Variants in FMNL2 observed in about 807,000 individuals in gnomAD.
The protein encoded by FMNL2 is formin like 2, also known as formin-like protein 2.
Under a neutral mutation model 130.2 loss-of-function variants are expected in FMNL2, and 51 were observed. The observed-to-expected ratio is 0.39, with a 90% CI of 0.31 to 0.49. The LOEUF (loss-of-function observed/expected upper bound fraction) is 0.49, where lower values mean the gene tolerates loss of function less well. Among genes scored for constraint, FMNL2 ranks in the 20% least tolerant of loss-of-function variants. The pLI is 0.85. For synonymous variants in FMNL2, 465 were observed against 467.1 expected (o/e 1.00, Z 0.06); for missense variants, 977 against 1,316.2 (o/e 0.74, Z 3.99).
chr2:152,504,076 A>G (rs572862494), intron 1 of FMNL2, among the ~76,000 whole-genome samples: 27 of 152,342 alleles, frequency 1.8e-4, no homozygotes, highest in Admixed American at 9.2e-4. Flanking sequence ...CTGTAGTCCC[A>G]GCTACGCGGG....
At chr2:152,647,678 C>G in intron 25 of FMNL2, 118 bp from the exon 26 acceptor site, 4 of 837,788 alleles carry the variant, frequency 4.8e-6, no homozygotes, top group Non-Finnish European at 8.3e-6. Context: ...GTTTGAAGGG[C>G]CCATTAGCTG....
At chr2:152,534,815 G>C (rs574216405) in intron 2 of FMNL2, among the ~76,000 whole-genome samples, 1 of 152,252 alleles carries the variant, frequency 6.6e-6, no homozygotes, top group East Asian at 1.9e-4. Flanking sequence ...ATTCTCGCTA[G>C]TCTAAATAAA....
intron 1 of FMNL2, among the ~76,000 whole-genome samples, chr2:152,442,345 G>C (rs934652676): frequency 6.6e-6 from 1 of 151,376 alleles, no homozygotes; most frequent in Non-Finnish European, 1.5e-5. Context: ...TCCTTCTCCC[G>C]GGTTTAAGTG....
chr2:152,592,929 G>A (rs1383485353), intron 9 of FMNL2, among the ~76,000 whole-genome samples: 1 of 152,124 alleles, frequency 6.6e-6, no homozygotes, highest in Non-Finnish European at 1.5e-5. Context: ...ATAGATTATT[G>A]GGGTGTTTAA....
intron 2 of FMNL2, among the ~76,000 whole-genome samples, chr2:152,523,454 C>T (rs74795808): frequency 5.3e-5 from 8 of 152,262 alleles, no homozygotes; most frequent in Non-Finnish European, 8.8e-5. Context: ...ATTTTCCCTC[C>T]ACACTGATAT....
In FMNL2 at chr2:152,607,335, T is replaced by G; in HGVS notation, c.877-4T>G. 6.2e-7 allele frequency: 1 copy of G among 1,613,234 alleles called. No homozygotes were observed. The highest frequency in any genetic ancestry group is 8.5e-7 in the Non-Finnish European group (1 of 1,179,396). ...CACATGCACAATGAAAATGTGTGTTTCAGGTTTGTGGAGAAAAACAGCGCT... is the reference window on the plus strand; with the variant it reads ...CACATGCACAATGAAAATGTGTGTTGCAGGTTTGTGGAGAAAAACAGCGCT... On this transcript the variant is annotated splice_polypyrimidine_tract_variant and splice_region_variant and intron_variant, in intron 9 of 25. Transcript: ENST00000288670.
At chr2:152,641,452 G>A (rs1420290663) in intron 25 of FMNL2, among the ~76,000 whole-genome samples, 2 of 152,194 alleles carry the variant, frequency 1.3e-5, no homozygotes, top group Non-Finnish European at 2.9e-5. Flanking sequence ...CTATCTCCTC[G>A]AACCAATTCT....
chr2:152,550,766 G>C (rs1431735228), intron 4 of FMNL2, among the ~76,000 whole-genome samples: 1 of 152,124 alleles, frequency 6.6e-6, no homozygotes, highest in Non-Finnish European at 1.5e-5. Flanking sequence ...ATTTTGTTTG[G>C]TCCAAACCTT....
At chr2:152,564,534 C>A (rs1384619889) in intron 6 of FMNL2, among the ~76,000 whole-genome samples, 8 of 152,080 alleles carry the variant, frequency 5.3e-5, no homozygotes, top group Admixed American at 5.2e-4. Context: ...CCAGCCTGGC[C>A]AACATGGTGA....
At chr2:152,407,849 A>G (rs928122514) in intron 1 of FMNL2, among the ~76,000 whole-genome samples, 1 of 152,212 alleles carries the variant, frequency 6.6e-6, no homozygotes, top group African/African-American at 2.4e-5. Context: ...TCTAATAAAA[A>G]ACAATCACCA....
chr2:152,610,809 C>A (rs576914602), intron 10 of FMNL2, among the ~76,000 whole-genome samples: 1 of 152,130 alleles, frequency 6.6e-6, no homozygotes, highest in Admixed American at 6.5e-5. Context: ...TATCTAGAAG[C>A]GGAATCGCTG....
At chr2:152,628,583 C>A in intron 18 of FMNL2, 50 bp downstream of exon 18, 1 of 1,511,190 alleles carries the variant, frequency 6.6e-7, no homozygotes, top group Admixed American at 1.7e-5. Flanking sequence ...AATGTGGAAT[C>A]GTTATTTTTT....
intron 1 of FMNL2, among the ~76,000 whole-genome samples, chr2:152,459,062 C>CA (rs1689103210): frequency 6.6e-6 from 1 of 152,130 alleles, no homozygotes; most frequent in Non-Finnish European, 1.5e-5. Flanking sequence ...ATTGTAATGG[C>CA]AAAATCACCA....
intron 1 of FMNL2, among the ~76,000 whole-genome samples, chr2:152,423,181 A>G (rs982443873): frequency 5.3e-5 from 8 of 152,228 alleles, no homozygotes; most frequent in Non-Finnish European, 8.8e-5. Flanking sequence ...TGTGTTAAAA[A>G]CAATCCAGTT....
intron 7 of FMNL2, among the ~76,000 whole-genome samples, chr2:152,577,945 T>C (rs975647992): frequency 2.0e-5 from 3 of 152,156 alleles, no homozygotes; most frequent in African/African-American, 7.2e-5. Flanking sequence ...TTATTGTTAC[T>C]TAAGATAATT....
At chr2:152,484,104 T>C (rs1359203702) in intron 1 of FMNL2, among the ~76,000 whole-genome samples, 1 of 152,206 alleles carries the variant, frequency 6.6e-6, no homozygotes, top group Non-Finnish European at 1.5e-5. Flanking sequence ...CCAACGGTAA[T>C]GGCCCTGATC....
intron 13 of FMNL2, among the ~76,000 whole-genome samples, chr2:152,617,962 G>A (rs1699041876): frequency 6.6e-6 from 1 of 152,182 alleles, no homozygotes; most frequent in African/African-American, 2.4e-5. Flanking sequence ...GCACGCCTTC[G>A]AGACAGAGTT....
chr2:152,568,693 C>G (rs553878726), intron 6 of FMNL2, among the ~76,000 whole-genome samples: 1 of 152,116 alleles, frequency 6.6e-6, no homozygotes, highest in Non-Finnish European at 1.5e-5. Context: ...ATGGTGACAA[C>G]AAGAAGTGCT....
At chr2:152,370,440 A>C (rs1683811976) in intron 1 of FMNL2, among the ~76,000 whole-genome samples, 1 of 152,228 alleles carries the variant, frequency 6.6e-6, no homozygotes, top group African/African-American at 2.4e-5. Context: ...CATGAATTTG[A>C]CAGTGGGACA....
Sources: gnomAD v4.1 joint callset for allele counts (sites outside exome capture counted in the v4.1 genomes callset) on GRCh38, gnomAD v4.1.1 for gene constraint, MANE v1.5 for transcripts, NCBI Gene and HGNC (gene_info 2026-07-23, HGNC 2026-07-21) for gene names.